The following COQ10A variants were observed in gnomAD, a reference collection of about 807,000 sequenced individuals.
COQ10A encodes coenzyme Q-binding protein COQ10 homolog A, mitochondrial.
COQ10A carries 25 observed loss-of-function variants against 26.1 expected under a neutral mutation model. That is an observed-to-expected ratio of 0.96 (90% CI 0.70 to 1.34). COQ10A has a LOEUF of 1.34. Ranked by LOEUF, COQ10A falls within the 40% of genes most tolerant of loss-of-function variation. COQ10A has a pLI of 0.00. For missense variants in COQ10A, 312 were observed against 335.4 expected (o/e 0.93, Z 0.54); for synonymous variants, 132 against 124.0 (o/e 1.06, Z -0.43).
rs1368382874 is a variant in COQ10A at position 56,269,930 on chromosome 12, A to G, written c.577-220A>G. Reference sequence around the variant, plus strand: ...GCGTGAGCCACCGCACCGACCTGACAGGGTTATTCTTTAAGTATAGCTAGC... The same window carrying G: ...GCGTGAGCCACCGCACCGACCTGACGGGGTTATTCTTTAAGTATAGCTAGC... On this transcript the variant is annotated intron_variant, in intron 4 of 4. Transcript: ENST00000308197. The G allele has an allele frequency of 6.9e-6, 4 of 580,258 alleles. No homozygotes were observed. In the African/African-American group the frequency reaches 7.5e-5, roughly 11 times the overall value. The allele number at this position is 580,258 out of a possible 1,614,324, so 35.9% of individuals were successfully genotyped here.
In COQ10A at chr12:56,267,488, A is replaced by G; in HGVS notation, c.134+236A>G. ...CGGGCGCCCTGGGGTCCCCGGGGAC[A>G]GTGATGCTTCCTTAAAGTCTTAGCT... is the stretch of plus-strand genomic sequence containing the variant. On this transcript the variant is annotated intron_variant, in intron 1 of 4. Coordinates refer to ENST00000308197, the MANE Select transcript of COQ10A (RefSeq NM_144576.4). The G allele has an allele frequency of 3.1e-6, 5 of 1,600,454 alleles. No homozygotes were observed. The South Asian group carries it at 5.5e-5, about 18-fold the overall frequency.
intron 1 of COQ10A, 47 bp downstream of exon 1, chr12:56,267,299 C>T (rs2135903594): frequency 6.3e-7 from 1 of 1,596,088 alleles, no homozygotes; most frequent in Non-Finnish European, 8.6e-7. Context: ...CGCTGCGAAC[C>T]CCGGGGTTCC....
rs996357179 is a variant in COQ10A, at chr12:56,267,213, C to T, written c.95C>T (p.Ala32Val). 2.1e-6 allele frequency: 3 copies of T among 1,439,956 alleles called. No homozygotes were observed. The highest frequency in any genetic ancestry group is 1.5e-5 in the African/African-American group (1 of 67,972). The allele number at this position is 1,439,956 out of a possible 1,614,324, so 89.2% of individuals were successfully genotyped here. A position where few individuals can be genotyped will look rare whatever the true frequency, so the allele number is the denominator to read the frequency against. Residue 32 changes from alanine to valine, a missense_variant, in exon 1 of 5, where the codon GCC (alanine) becomes GTC (valine). Transcript: ENST00000308197. ...TCGCTCAGCCCGGGCGCGCAACCGG[C>T]CCCGCCCCCAGGCCCTCTGCCACCG... ...RLSLSPGAQP[A>V]PPPGPLPPPR...
chr12:56,267,494 G>C, intron 1 of COQ10A: 2 of 1,595,820 alleles, frequency 1.3e-6, no homozygotes, highest in Non-Finnish European at 1.7e-6. Flanking sequence ...GGACAGTGAT[G>C]CTTCCTTAAA....
chr12:56,269,539 G>T lies in COQ10A; in HGVS notation c.554G>T (p.Arg185Leu). The change falls in exon 4 of 5, where the codon CGA (arginine) becomes CTA (leucine). Residue 185 changes from arginine to leucine, a missense_variant. Coordinates refer to ENST00000308197, the MANE Select transcript of COQ10A (RefSeq NM_144576.4). ...AGCCCTGGTATTCCTGCCTATCCTC[G>T]AACCTGCACTGTGGACTTTTCGGTG... ...RFSPGIPAYP[R>L]TCTVDFSISF... The T allele has an allele frequency of 6.2e-7, 1 of 1,613,858 alleles. No individual in the cohort carries two copies. Among genetic ancestry groups the T allele is most frequent in the South Asian group, 1.1e-5 (1 of 91,060 alleles).
intron 1 of COQ10A, chr12:56,267,577 C>T: frequency 9.0e-7 from 1 of 1,110,422 alleles, no homozygotes; most frequent in Admixed American, 1.9e-5. Flanking sequence ...TTTTTCTCAT[C>T]CCCCTCACCC....
In COQ10A at chr12:56,267,882, G is replaced by C. The variant is rs748041241; in HGVS notation, c.223G>C (p.Gly75Arg). The C allele has an allele frequency of 6.2e-7, 1 of 1,614,202 alleles. No homozygotes were observed. The highest frequency in any genetic ancestry group is 8.5e-7 in the Non-Finnish European group (1 of 1,180,030). Residue 75 changes from glycine to arginine, a missense_variant, in exon 2 of 5, where the codon GGA becomes CGA. Coordinates refer to ENST00000308197, the MANE Select transcript of COQ10A (RefSeq NM_144576.4). ...AGLPSSRSFM[G>R]FAAPFTNKRK... ...CTTACCTTCGAGCCGTTCCTTCATGGGATTTGCTGCTCCCTTCACCAACAA... is the reference window on the plus strand; with the variant it reads ...CTTACCTTCGAGCCGTTCCTTCATGCGATTTGCTGCTCCCTTCACCAACAA...
chr12:56,267,202 C>T lies in COQ10A; in HGVS notation c.84C>T (p.Gly28=), dbSNP rs1481526721. The T allele has an allele frequency of 4.2e-6, 6 of 1,411,992 alleles. No homozygotes were observed. The Admixed American group carries it at 9.4e-5, about 22-fold the overall frequency. The allele number at this position is 1,411,992 out of a possible 1,614,324, so 87.5% of individuals were successfully genotyped here. The change falls in exon 1 of 5, where the codon GGC becomes GGT. Residue 28 remains glycine (G), a synonymous_variant. Transcript: ENST00000308197. ...GCTGCCGGCTCTCGCTCAGCCCGGG[C>T]GCGCAACCGGCCCCGCCCCCAGGCC... ...ERCCRLSLSP[G]AQPAPPPGPL...
Position 56,270,448 on chromosome 12 carries a change from C to G in COQ10A, c.*131C>G. The G allele has an allele frequency of 4.1e-6, 4 of 974,246 alleles. No homozygotes were observed. The highest frequency in any genetic ancestry group is 6.0e-6 in the Non-Finnish European group (4 of 667,476). 60.4% of individuals were successfully genotyped at this position (974,246 alleles called of 1,614,324 possible). On this transcript the variant is annotated 3_prime_UTR_variant, in exon 5 of 5. Transcript: ENST00000308197. ...AATACTGTTTCTCCTCTCAATTTCCCAGAAATTGGGTTCTATGCTGGCTGG... is the reference window on the plus strand; with the variant it reads ...AATACTGTTTCTCCTCTCAATTTCCGAGAAATTGGGTTCTATGCTGGCTGG...
In COQ10A at chr12:56,267,125, TG is replaced by T; in HGVS notation, c.10del (p.Ala4ArgfsTer41). 7.7e-7 allele frequency: 1 copy of T among 1,297,354 alleles called. No individual in the cohort carries two copies. Among genetic ancestry groups the T allele is most frequent in the South Asian group, 2.3e-5 (1 of 42,564 alleles). The allele number at this position is 1,297,354 out of a possible 1,614,324, so 80.4% of individuals were successfully genotyped here. MA[W>X]AGSRRVPAGT... The stretch of plus-strand genomic sequence containing the variant: ...GCCAGGCAGGGTCGCGCGCATGGCC[TG>T]GGCGGGCTCGCGGCGGGTCCCAGCT... On this transcript the variant is annotated frameshift_variant, in exon 1 of 5. Transcript: ENST00000308197. LOFTEE classifies it high-confidence loss of function.
intron 4 of COQ10A, chr12:56,269,870 G>A (rs1012832704): frequency 4.0e-5 from 21 of 518,900 alleles, no homozygotes; most frequent in Middle Eastern, 5.3e-4. Flanking sequence ...CAGGTGATCC[G>A]TCCGCCTTGG....
In COQ10A at chr12:56,270,373, T is replaced by TTCCCTACACA; in HGVS notation, c.*56_*57insTCCCTACACA. 2 of 1,543,140 alleles carry TTCCCTACACA rather than the reference T, an allele frequency of 1.3e-6. No homozygotes were observed. On this transcript the variant is annotated 3_prime_UTR_variant, in exon 5 of 5. Coordinates refer to ENST00000308197, the MANE Select transcript of COQ10A (RefSeq NM_144576.4). The stretch of plus-strand genomic sequence containing the variant: ...ACCCCACTTCCCTACACAATTCTCT[T>TTCCCTACACA]ATTTATTTGGTTTGGCTCCTGTTCC...
In COQ10A at chr12:56,270,228, G is replaced by A. The variant is rs1436881820; in HGVS notation, c.655G>A (p.Ala219Thr). ...FFDEVVKQNV[A>T]AFERRAATKF... ...TGATGAGGTTGTCAAACAGAATGTT[G>A]CTGCCTTTGAGCGTCGGGCAGCCAC... The change falls in exon 5 of 5, where the codon GCT becomes ACT. Residue 219 changes from alanine to threonine, a missense_variant. By Grantham distance (58) the Ala-to-Thr change is moderately conservative. Transcript: ENST00000308197. The A allele has an allele frequency of 2.5e-6, 4 of 1,613,980 alleles. No homozygotes were observed. The highest frequency in any genetic ancestry group is 3.4e-6 in the Non-Finnish European group (4 of 1,180,014).
rs1211218700 is a variant in COQ10A, at chr12:56,270,148, A to T, written c.577-2A>T. 6.2e-7 allele frequency: 1 copy of T among 1,613,412 alleles called. No individual in the cohort carries two copies. On this transcript the variant is annotated splice_acceptor_variant, in intron 4 of 4. Coordinates refer to ENST00000308197, the MANE Select transcript of COQ10A (RefSeq NM_144576.4). LOFTEE classifies it high-confidence loss of function. ...TTCTGACTGTCTCTTACCCATTCCC[A>T]GATTTCCTTTGAATTTCGTTCTCTG...
chr12:56,269,635 T>C, intron 4 of COQ10A, 74 bp downstream of exon 4: 1 of 1,074,340 alleles, frequency 9.3e-7, no homozygotes, highest in Admixed American at 1.7e-5. Flanking sequence ...GACAGGGTTA[T>C]TAATTTATTT....
chr12:56,269,009 G>A, intron 2 of COQ10A, 50 bp from the exon 3 acceptor site: 1 of 1,546,302 alleles, frequency 6.5e-7, no homozygotes, highest in Non-Finnish European at 8.9e-7. Context: ...TAGCAAGGAG[G>A]AACCTGACCC....
At position 56,267,248 on chromosome 12, in the gene COQ10A, A is replaced by C. The variant is rs1872375328; in HGVS notation, c.130A>C (p.Met44Leu). The C allele has an allele frequency of 6.6e-7, 1 of 1,505,310 alleles. No homozygotes were observed. Among genetic ancestry groups the C allele is most frequent in the Non-Finnish European group, 8.9e-7 (1 of 1,126,102 alleles). 93.2% of individuals were successfully genotyped at this position (1,505,310 alleles called of 1,614,324 possible). A position where few individuals can be genotyped will look rare whatever the true frequency, so the allele number is the denominator to read the frequency against. Reference protein sequence around the residue: ...PPGPLPPPRPMRFLTSCSLLL... With the variant: ...PPGPLPPPRPLRFLTSCSLLL... ...AGGCCCTCTGCCACCGCCGCGACCA[A>C]TGAGGTGAGAGGGAGGTGACCGCGG... is the stretch of plus-strand genomic sequence containing the variant. The change falls in exon 1 of 5, where the codon ATG becomes CTG. Residue 44 changes from methionine to leucine, a missense_variant. Coordinates refer to ENST00000308197, the MANE Select transcript of COQ10A (RefSeq NM_144576.4).
chr12:56,268,422 A>T (rs1056737624), intron 2 of COQ10A: 4 of 172,116 alleles, frequency 2.3e-5, no homozygotes, highest in Non-Finnish European at 5.0e-5. Flanking sequence ...CAGAGGTTGC[A>T]GTGAGCTGAG....
At chr12:56,268,122 G>T in intron 2 of COQ10A, 182 bp downstream of exon 2, 1 of 774,996 alleles carries the variant, frequency 1.3e-6, no homozygotes, top group South Asian at 1.7e-5. Context: ...CTCCCTTCTT[G>T]GTTGCTGTGC....
Sources: allele counts gnomAD v4.1 joint callset, GRCh38; gene constraint gnomAD v4.1.1; transcripts MANE v1.5; gene names NCBI Gene and HGNC (gene_info 2026-07-23, HGNC 2026-07-21).